The following FAM107B variants were observed in gnomAD, a reference collection of about 807,000 sequenced individuals.
FAM107B encodes family with sequence similarity 107 member B.
In FAM107B, 21 loss-of-function variants were observed where a neutral mutation model predicts 31.5. That is an observed-to-expected ratio of 0.67 (90% CI 0.47 to 0.96). FAM107B has a LOEUF of 0.96. Among genes scored for constraint, FAM107B ranks in the 40% least tolerant of loss-of-function variants. FAM107B has a pLI of 0.00. For missense variants in FAM107B, 452 were observed against 377.1 expected, an observed-to-expected ratio of 1.20 and a Z score of -1.64; for synonymous variants, 157 against 141.5, an observed-to-expected ratio of 1.11 and a Z score of -0.78.
At chr10:14,625,059 T>C (rs1853121654) in intron 2 of FAM107B, among the ~76,000 whole-genome samples, 1 of 152,044 alleles carries the variant, frequency 6.6e-6, no homozygotes, top group Non-Finnish European at 1.5e-5. Flanking sequence ...ATCCCGTCTC[T>C]ACTAAAAATA....
At chr10:14,671,696 A>G (rs1235602509) in intron 1 of FAM107B, among the ~76,000 whole-genome samples, 2 of 152,098 alleles carry the variant, frequency 1.3e-5, no homozygotes, top group African/African-American at 4.8e-5. Flanking sequence ...TACTGTAGGC[A>G]CCACCTTGTT....
In FAM107B at chr10:14,563,319, A is replaced by G. The variant is rs138040350; in HGVS notation, c.470-32804T>C. Among the ~76,000 whole-genome samples the G allele has an allele frequency of 2.3e-4, 35 of 152,378 alleles. 1 individual carries two copies. The highest frequency in any genetic ancestry group is 7.5e-4 in the African/African-American group (31 of 41,594). On this transcript the variant is annotated intron_variant, in intron 2 of 4. Transcript: ENST00000181796. Reference sequence around the variant, plus strand: ...TTGGAAAATACAGAAAAGTATAAAGAAAATTTCCCCCATGAATGCATCATT... The same window carrying G: ...TTGGAAAATACAGAAAAGTATAAAGGAAATTTCCCCCATGAATGCATCATT...
chr10:14,548,586 T>C (rs1848937213), intron 2 of FAM107B: 1 of 985,238 alleles, frequency 1.0e-6, no homozygotes, highest in Non-Finnish European at 1.2e-6. Context: ...CAGATACACA[T>C]GGGAAGAAGG....
intron 1 of FAM107B, among the ~76,000 whole-genome samples, chr10:14,698,082 G>A (rs1855308751): frequency 6.6e-6 from 1 of 151,876 alleles, no homozygotes; most frequent in African/African-American, 2.4e-5. Flanking sequence ...CCGAGATCAT[G>A]CCATTTCACT....
At chr10:14,733,449 A>C (rs1235905901) in intron 1 of FAM107B, among the ~76,000 whole-genome samples, 1 of 152,208 alleles carries the variant, frequency 6.6e-6, no homozygotes, top group Non-Finnish European at 1.5e-5. Flanking sequence ...GATATCCAGT[A>C]AGATACGCTT....
rs1856391562 is a variant in FAM107B at position 14,739,665 on chromosome 10, TTCCC to T, written c.411+34584_411+34587del. Among the ~76,000 whole-genome samples, 7 of 152,204 alleles carry T rather than the reference TTCCC, an allele frequency of 4.6e-5. No homozygotes were observed. In the South Asian group the frequency reaches 1.2e-3, roughly 27 times the overall value. ...AGCGAATAAAGGGAAAATATTTCATTTCCCAGACCACAAGAATTGTTTTAGGGAT... is the reference window on the plus strand; with the variant it reads ...AGCGAATAAAGGGAAAATATTTCATTAGACCACAAGAATTGTTTTAGGGAT... On this transcript the variant is annotated intron_variant, in intron 1 of 4. Transcript: ENST00000181796.
chr10:14,570,244 G>A (rs1337646389), intron 2 of FAM107B, among the ~76,000 whole-genome samples: 1 of 150,646 alleles, frequency 6.6e-6, no homozygotes, highest in East Asian at 1.9e-4. Flanking sequence ...GTGTGTGTGT[G>A]TGTGTGTGTG....
intron 2 of FAM107B, among the ~76,000 whole-genome samples, chr10:14,591,724 T>C (rs11259210): frequency 0.19 from 28,567 of 152,128 alleles, 2,822 homozygotes; most frequent in East Asian, 0.39. Context: ...AGTCAGACCT[T>C]TTCCTAAGCT....
At chr10:14,614,059 A>C (rs1852792250) in intron 2 of FAM107B, among the ~76,000 whole-genome samples, 1 of 152,062 alleles carries the variant, frequency 6.6e-6, no homozygotes, top group Non-Finnish European at 1.5e-5. Context: ...TGAACGTGGG[A>C]GGCAGAGGTT....
intron 2 of FAM107B, among the ~76,000 whole-genome samples, chr10:14,572,598 C>A (rs1255527516): frequency 6.6e-6 from 1 of 151,142 alleles, no homozygotes; most frequent in East Asian, 1.9e-4. Flanking sequence ...GTGGTGTGCA[C>A]CCGTGGTCCT....
intron 1 of FAM107B, among the ~76,000 whole-genome samples, chr10:14,679,105 T>G (rs1854764574): frequency 6.6e-6 from 1 of 151,936 alleles, no homozygotes; most frequent in Non-Finnish European, 1.5e-5. Context: ...AGCCTCAGTT[T>G]CATCATAAAA....
chr10:14,572,092 C>T (rs1042182835), intron 2 of FAM107B: 74 of 985,316 alleles, frequency 7.5e-5, no homozygotes, highest in Non-Finnish European at 8.8e-5. Context: ...AAAAGAGCCA[C>T]AGTTCAAGTT....
intron 2 of FAM107B, chr10:14,652,978 A>G (rs1853940001): frequency 6.6e-6 from 1 of 152,248 alleles, no homozygotes; most frequent in Non-Finnish European, 1.5e-5. Flanking sequence ...AGGCACAGAA[A>G]AAAATGTGAT....
chr10:14,679,298 A>G (rs530509266), intron 1 of FAM107B, among the ~76,000 whole-genome samples: 2 of 151,960 alleles, frequency 1.3e-5, no homozygotes, highest in Non-Finnish European at 2.9e-5. Flanking sequence ...CCTGGCTAAT[A>G]TTTTTATTTT....
At chr10:14,626,275 C>T (rs1468072315) in intron 2 of FAM107B, among the ~76,000 whole-genome samples, 2 of 152,030 alleles carry the variant, frequency 1.3e-5, no homozygotes, top group Admixed American at 6.6e-5. Flanking sequence ...CTTCAATATA[C>T]GATTCATCAC....
At position 14,519,954 on chromosome 10, in the gene FAM107B, C is replaced by T. The variant is rs148860744; in HGVS notation, c.*1236G>A. On this transcript the variant is annotated 3_prime_UTR_variant, in exon 5 of 5. Transcript: ENST00000181796. ...GTAACTCGGCCCCCTCTCTGAGGAG[C>T]GTGCTGCTAGCTAGAACAAGGGAAC... 7.6e-4 allele frequency: 116 copies of T among 152,748 alleles called. No individual in the cohort carries two copies. Among genetic ancestry groups the T allele is most frequent in the Non-Finnish European group, 6.2e-4 (42 of 68,030 alleles). The allele number at this position is 152,748 out of a possible 1,614,324, so 9.5% of individuals were successfully genotyped here.
chr10:14,724,157 G>A, intron 1 of FAM107B: 1 of 483,452 alleles, frequency 2.1e-6, no homozygotes, highest in Non-Finnish European at 3.7e-6. Context: ...CTATGCATGT[G>A]TCTTCTACGT....
At chr10:14,632,986 G>T (rs1330667102) in intron 2 of FAM107B, among the ~76,000 whole-genome samples, 1 of 152,116 alleles carries the variant, frequency 6.6e-6, no homozygotes, top group Admixed American at 6.5e-5. Context: ...ATCACTCGAG[G>T]TCAGGAGTTC....
At chr10:14,665,953 T>C (rs987014803) in intron 2 of FAM107B, among the ~76,000 whole-genome samples, 1 of 152,202 alleles carries the variant, frequency 6.6e-6, no homozygotes, top group Admixed American at 6.5e-5. Context: ...TGTTGGCCTA[T>C]GTCAAACCTA....
Sources: allele counts gnomAD v4.1 joint callset (sites outside exome capture counted in the v4.1 genomes callset), GRCh38; gene constraint gnomAD v4.1.1; transcripts MANE v1.5; gene names NCBI Gene and HGNC (gene_info 2026-07-23, HGNC 2026-07-21).